The following RORB variants were observed in gnomAD, a reference collection of about 807,000 sequenced individuals.
The protein encoded by RORB is RAR related orphan receptor B.
A neutral mutation model predicts 59.1 loss-of-function variants in RORB; 6 were observed. The ratio of observed to expected loss-of-function variants is 0.10; its 90% CI spans 0.06 to 0.20. RORB has a LOEUF of 0.20. Among genes scored for constraint, RORB ranks in the 10% least tolerant of loss-of-function variants. The pLI is 1.00. For missense variants in RORB, 320 were observed against 560.5 expected (o/e 0.57, Z 4.33); for synonymous variants, 215 against 204.5 (o/e 1.05, Z -0.44).
intron 2 of RORB, among the ~76,000 whole-genome samples, chr9:74,632,147 A>G (rs1823628721): frequency 6.6e-6 from 1 of 152,218 alleles, no homozygotes; most frequent in African/African-American, 2.4e-5. Context: ...GTTAAAAAGC[A>G]AAATATTTTA....
intron 1 of RORB, among the ~76,000 whole-genome samples, chr9:74,608,696 T>TC (rs397693188): frequency 6.6e-6 from 1 of 151,760 alleles, no homozygotes; most frequent in Non-Finnish European, 1.5e-5. Context: ...GAATGGTTTT[T>TC]ATAACATGGA....
intron 1 of RORB, among the ~76,000 whole-genome samples, chr9:74,519,863 GC>G (rs745308552): frequency 2.6e-4 from 39 of 151,950 alleles, no homozygotes; most frequent in Non-Finnish European, 5.4e-4. Flanking sequence ...GACAAGCTGT[GC>G]CCACTAGTCC....
At chr9:74,614,193 T>C (rs529219890) in intron 1 of RORB, among the ~76,000 whole-genome samples, 34 of 152,278 alleles carry the variant, frequency 2.2e-4, no homozygotes, top group Admixed American at 1.7e-3. Flanking sequence ...CCAACTTATA[T>C]GGTTGCGTGT....
intron 1 of RORB, among the ~76,000 whole-genome samples, chr9:74,506,671 C>T (rs1321621461): frequency 5.3e-5 from 8 of 152,044 alleles, no homozygotes; most frequent in Non-Finnish European, 1.0e-4. Context: ...TAAGCAAATG[C>T]CTCCATTTGA....
chr9:74,578,768 A>T (rs1055441373), intron 1 of RORB, among the ~76,000 whole-genome samples: 1 of 152,098 alleles, frequency 6.6e-6, no homozygotes, highest in Non-Finnish European at 1.5e-5. Context: ...CACTGTTTCT[A>T]TATGAAGTAT....
intron 1 of RORB, among the ~76,000 whole-genome samples, chr9:74,526,911 C>T (rs1456142297): frequency 3.3e-5 from 5 of 151,904 alleles, no homozygotes; most frequent in African/African-American, 7.2e-5. Flanking sequence ...TTAGAGAGAG[C>T]TTGGAAGGGT....
chr9:74,548,755 G>A (rs931716584), intron 1 of RORB, among the ~76,000 whole-genome samples: 1 of 152,096 alleles, frequency 6.6e-6, no homozygotes, highest in Non-Finnish European at 1.5e-5. Flanking sequence ...GTTAAAATAT[G>A]TCAGTGAATT....
At chr9:74,596,280 C>G (rs936732574) in intron 1 of RORB, among the ~76,000 whole-genome samples, 6 of 151,996 alleles carry the variant, frequency 3.9e-5, no homozygotes, top group African/African-American at 1.5e-4. Flanking sequence ...TTCGTCAGCT[C>G]CAGAAAGCAT....
chr9:74,645,605 G>A (rs1823883151), intron 4 of RORB, among the ~76,000 whole-genome samples: 1 of 152,022 alleles, frequency 6.6e-6, no homozygotes. Context: ...TAATATAACT[G>A]TTATTTTAAT....
rs1418921654 is a variant in RORB, at chr9:74,691,485, C to T, written c.*5867C>T. 4 of 152,154 alleles carry T rather than the reference C, an allele frequency of 2.6e-5. No homozygotes were observed. The highest frequency in any genetic ancestry group is 4.4e-5 in the Non-Finnish European group (3 of 68,042). The allele number at this position is 152,154 out of a possible 1,614,324, so 9.4% of individuals were successfully genotyped here. On this transcript the variant is annotated 3_prime_UTR_variant, in exon 10 of 10. Coordinates refer to ENST00000376896, the MANE Select transcript of RORB (RefSeq NM_006914.4). ...ACACACACACAAGAAAGAAAAATTA[C>T]ACCCACAGAAAACTGAGTATGTATT...
intron 1 of RORB, among the ~76,000 whole-genome samples, chr9:74,610,731 T>C (rs1445958616): frequency 2.0e-5 from 3 of 152,202 alleles, no homozygotes. Flanking sequence ...TAAATGTAGC[T>C]CTTTCTGACT....
intron 1 of RORB, among the ~76,000 whole-genome samples, chr9:74,589,489 G>A (rs1158450700): frequency 6.6e-6 from 1 of 152,172 alleles, no homozygotes; most frequent in Admixed American, 6.5e-5. Flanking sequence ...CAGTGGGCAA[G>A]TCACTTTGTA....
intron 1 of RORB, among the ~76,000 whole-genome samples, chr9:74,572,932 T>C (rs1397741444): frequency 6.6e-6 from 1 of 152,144 alleles, no homozygotes; most frequent in African/African-American, 2.4e-5. Flanking sequence ...AATTAGCAAA[T>C]TGTAGCTGAA....
At chr9:74,616,433 T>C (rs1378631628) in intron 1 of RORB, among the ~76,000 whole-genome samples, 3 of 152,196 alleles carry the variant, frequency 2.0e-5, no homozygotes, top group Non-Finnish European at 2.9e-5. Flanking sequence ...CCACAATGCT[T>C]ATAGCTTCCT....
At chr9:74,648,243 AC>A (rs1823931716) in intron 4 of RORB, among the ~76,000 whole-genome samples, 1 of 152,062 alleles carries the variant, frequency 6.6e-6, no homozygotes, top group Non-Finnish European at 1.5e-5. Flanking sequence ...CCCCTCTCTC[AC>A]CCCCACCCCA....
chr9:74,635,690 A>T (rs1209005504), intron 3 of RORB, among the ~76,000 whole-genome samples: 1 of 152,152 alleles, frequency 6.6e-6, no homozygotes, highest in African/African-American at 2.4e-5. Context: ...CCTAGAGCCT[A>T]AGACATAGAC....
chr9:74,617,186 C>G (rs1051964604), intron 1 of RORB, among the ~76,000 whole-genome samples: 12 of 150,750 alleles, frequency 8.0e-5, no homozygotes, highest in Non-Finnish European at 3.0e-5. Flanking sequence ...ATGGTAGCAT[C>G]AAAATGCCTT....
chr9:74,669,623 G>A (rs980905611), intron 8 of RORB, among the ~76,000 whole-genome samples: 1 of 151,980 alleles, frequency 6.6e-6, no homozygotes, highest in African/African-American at 2.4e-5. Context: ...GCTGTTGTTT[G>A]GTTACATTTT....
At chr9:74,613,172 G>C (rs1296253670) in intron 1 of RORB, among the ~76,000 whole-genome samples, 1 of 152,124 alleles carries the variant, frequency 6.6e-6, no homozygotes, top group Non-Finnish European at 1.5e-5. Flanking sequence ...TATGTTTACT[G>C]AATTCCCAGT....
Sources: allele counts gnomAD v4.1 joint callset (sites outside exome capture counted in the v4.1 genomes callset), GRCh38; gene constraint gnomAD v4.1.1; transcripts MANE v1.5; gene names NCBI Gene and HGNC (gene_info 2026-07-23, HGNC 2026-07-21).